Variants in SMIM31 observed in about 807,000 individuals in gnomAD.
SMIM31 encodes the protein small integral membrane protein 31, also known as human epithelial cell program regulator.
At position 164,801,085 on chromosome 4, in the gene SMIM31, T is replaced by C. The variant is rs138971792; in HGVS notation, c.113-6T>C. The C allele has an allele frequency of 5.9e-4, 234 of 398,794 alleles. 3 individuals carry two copies. The highest frequency in any genetic ancestry group is 5.7e-3 in the East Asian group (161 of 28,048). The allele number at this position is 398,794 out of a possible 1,614,324, so 24.7% of individuals were successfully genotyped here. A position where few individuals can be genotyped will look rare whatever the true frequency, so the allele number is the denominator to read the frequency against. On this transcript the variant is annotated splice_polypyrimidine_tract_variant and splice_region_variant and intron_variant, in intron 2 of 2. Coordinates refer to ENST00000507311, the MANE Select transcript of SMIM31 (RefSeq NM_001352885.1). ...ATTCCTTTTTCTAAATTCTTTCTTATTGCAGAGGAAGAACATGAAAAAAAG... is the reference window on the plus strand; with the variant it reads ...ATTCCTTTTTCTAAATTCTTTCTTACTGCAGAGGAAGAACATGAAAAAAAG...
chr4:164,764,844 T>C (rs903958680), intron 1 of SMIM31, among the ~76,000 whole-genome samples: 2 of 152,342 alleles, frequency 1.3e-5, no homozygotes, highest in East Asian at 3.9e-4. Flanking sequence ...AACTTTTTAG[T>C]TCTGTATTTA....
At chr4:164,799,777 T>G (rs1733259068) in intron 2 of SMIM31, among the ~76,000 whole-genome samples, 1 of 152,246 alleles carries the variant, frequency 6.6e-6, no homozygotes. Flanking sequence ...TTTGTCAGTT[T>G]TATTCACTGA....
At chr4:164,797,679 G>C (rs1733219649) in intron 2 of SMIM31, among the ~76,000 whole-genome samples, 1 of 152,080 alleles carries the variant, frequency 6.6e-6, no homozygotes, top group East Asian at 1.9e-4. Flanking sequence ...GGCCAGGCTA[G>C]TCTTGAACTC....
chr4:164,793,500 T>C (rs1042421569), intron 2 of SMIM31, among the ~76,000 whole-genome samples: 4 of 152,228 alleles, frequency 2.6e-5, no homozygotes, highest in Non-Finnish European at 5.9e-5. Flanking sequence ...ATTTATTTTT[T>C]ACAGTTCTGG....
At position 164,762,678 on chromosome 4, in the gene SMIM31, A is replaced by G. The variant is rs28376801; in HGVS notation, c.-25-7741A>G. ...ACTCTGTCTCAAAAAAAAAAAAAAAAAAAAAGAAAAAGAAAAAGAAAAAGA... is the reference window on the plus strand; with the variant it reads ...ACTCTGTCTCAAAAAAAAAAAAAAAGAAAAAGAAAAAGAAAAAGAAAAAGA... On this transcript the variant is annotated intron_variant, in intron 1 of 2. Coordinates refer to ENST00000507311, the MANE Select transcript of SMIM31 (RefSeq NM_001352885.1). Among the ~76,000 whole-genome samples the G allele has an allele frequency of 1.4e-3, 187 of 138,334 alleles. 1 individual carries two copies. The highest frequency in any genetic ancestry group is 3.6e-3 in the Middle Eastern group (1 of 276). 90.8% of individuals were successfully genotyped at this position (138,334 alleles called of 152,430 possible). A position where few individuals can be genotyped will look rare whatever the true frequency, so the allele number is the denominator to read the frequency against.
At chr4:164,762,697 A>C (rs1732668487) in intron 1 of SMIM31, among the ~76,000 whole-genome samples, 1 of 151,550 alleles carries the variant, frequency 6.6e-6, no homozygotes, top group Admixed American at 6.6e-5. Flanking sequence ...AAAGAAAAAG[A>C]AAAAGAAAGA....
chr4:164,783,060 A>G (rs980739645), intron 2 of SMIM31, among the ~76,000 whole-genome samples: 2 of 151,530 alleles, frequency 1.3e-5, no homozygotes, highest in African/African-American at 4.9e-5. Flanking sequence ...TCTACTAAAA[A>G]TACAAAAATT....
intron 2 of SMIM31, among the ~76,000 whole-genome samples, chr4:164,795,823 G>A (rs759253290): frequency 1.3e-5 from 2 of 151,736 alleles, no homozygotes; most frequent in African/African-American, 4.8e-5. Flanking sequence ...ACAATATGCC[G>A]GGGCTGCATA....
In SMIM31 at chr4:164,801,065, T is replaced by C. The variant is rs558497007; in HGVS notation, c.113-26T>C. The C allele has an allele frequency of 9.3e-5, 37 of 398,516 alleles. No individual in the cohort carries two copies. In the Admixed American group the frequency reaches 1.0e-3, roughly 11 times the overall value. 24.7% of individuals were successfully genotyped at this position (398,516 alleles called of 1,614,324 possible). On this transcript the variant is annotated intron_variant, in intron 2 of 2. Transcript: ENST00000507311. ...TTTCCAAATGGTGTATTTACATTCC[T>C]TTTTCTAAATTCTTTCTTATTGCAG...
intron 2 of SMIM31, among the ~76,000 whole-genome samples, chr4:164,794,025 T>C (rs1733142921): frequency 6.6e-6 from 1 of 152,042 alleles, no homozygotes; most frequent in South Asian, 2.1e-4. Context: ...TATAAATAAA[T>C]GATATAAACT....
intron 1 of SMIM31, among the ~76,000 whole-genome samples, chr4:164,769,760 C>T (rs1732769130): frequency 6.6e-6 from 1 of 151,408 alleles, no homozygotes; most frequent in Non-Finnish European, 1.5e-5. Flanking sequence ...AAAAAAAACT[C>T]CTCTCCAATC....
rs143864472 is a variant in SMIM31, at chr4:164,762,504, G to C, written c.-25-7915G>C. On this transcript the variant is annotated intron_variant, in intron 1 of 2. Transcript: ENST00000507311. The stretch of plus-strand genomic sequence containing the variant: ...AGCCGAGGCAGGCAGATTACTTGAG[G>C]TCAAGAGTTTAAGACCAGCCTGGGC... 9.3e-3 allele frequency among the ~76,000 whole-genome samples: 1,418 copies of C among 151,944 alleles called. 28 individuals are homozygous for C. The highest frequency in any genetic ancestry group is 0.033 in the African/African-American group (1,356 of 41,464).
intron 1 of SMIM31, among the ~76,000 whole-genome samples, chr4:164,759,325 G>T (rs1732614646): frequency 6.6e-6 from 1 of 152,006 alleles, no homozygotes; most frequent in African/African-American, 2.4e-5. Context: ...TCTTGTGAGA[G>T]CTCCTCACAA....
At chr4:164,782,150 G>T (rs965044515) in intron 2 of SMIM31, among the ~76,000 whole-genome samples, 12 of 151,642 alleles carry the variant, frequency 7.9e-5, no homozygotes, top group Non-Finnish European at 1.2e-4. Flanking sequence ...ATTAGTCGGG[G>T]GTGGTGGCAC....
rs997962101 is a variant in SMIM31 at position 164,801,468 on chromosome 4, T to C, written c.*274T>C. ...AAAAAGACCAAAGTGGTTACAATAA[T>C]AAAATAGAACACAGAGAAAGAAGAA... On this transcript the variant is annotated 3_prime_UTR_variant, in exon 3 of 3. Transcript: ENST00000507311. 1.1e-5 allele frequency: 3 copies of C among 261,188 alleles called. No homozygotes were observed. Among genetic ancestry groups the C allele is most frequent in the Non-Finnish European group, 2.1e-5 (3 of 140,372 alleles). The allele number at this position is 261,188 out of a possible 1,614,324, so 16.2% of individuals were successfully genotyped here.
chr4:164,765,529 C>T (rs1402475662), intron 1 of SMIM31, among the ~76,000 whole-genome samples: 2 of 151,406 alleles, frequency 1.3e-5, no homozygotes, highest in Non-Finnish European at 2.9e-5. Context: ...GAAAAAAGTG[C>T]CACTGGTTTC....
At chr4:164,756,233 A>T (rs1732558866) in intron 1 of SMIM31, among the ~76,000 whole-genome samples, 1 of 152,208 alleles carries the variant, frequency 6.6e-6, no homozygotes, top group African/African-American at 2.4e-5. Context: ...CTGCACATGT[A>T]TCCCAGAACT....
At chr4:164,790,828 T>C (rs989654869) in intron 2 of SMIM31, among the ~76,000 whole-genome samples, 35 of 152,156 alleles carry the variant, frequency 2.3e-4, no homozygotes, top group African/African-American at 8.4e-4. Context: ...CCAGAGGTTA[T>C]CTTAAGAAAT....
intron 2 of SMIM31, among the ~76,000 whole-genome samples, chr4:164,795,520 A>T (rs1733177878): frequency 7.3e-6 from 1 of 136,406 alleles, no homozygotes; most frequent in Admixed American, 8.5e-5. Flanking sequence ...AGATCACGCC[A>T]CTGCACTCCA....
Sources: allele counts gnomAD v4.1 joint callset (sites outside exome capture counted in the v4.1 genomes callset), GRCh38; gene constraint gnomAD v4.1.1; transcripts MANE v1.5; gene names NCBI Gene and HGNC (gene_info 2026-07-23, HGNC 2026-07-21).